Variants in SDK2 observed in about 807,000 individuals in gnomAD.
SDK2 encodes protein sidekick-2.
SDK2 carries 105 observed loss-of-function variants against 253.9 expected under a neutral mutation model. That is an observed-to-expected ratio of 0.41 (90% CI 0.35 to 0.49). The LOEUF is 0.49. Ranked by LOEUF, SDK2 falls within the 20% of genes least tolerant of loss-of-function variation. The probability of loss-of-function intolerance (pLI) is 0.06; values close to 1 mark genes in which losing one functional copy is unlikely to be tolerated. For missense variants in SDK2, 2,608 were observed against 3,003.0 expected (o/e 0.87, Z 3.07); for synonymous variants, 1,249 against 1,234.9 (o/e 1.01, Z -0.24).
intron 2 of SDK2, among the ~76,000 whole-genome samples, chr17:73,488,959 A>G (rs1336871321): frequency 1.3e-5 from 2 of 152,232 alleles, no homozygotes; most frequent in East Asian, 1.9e-4. Context: ...TGCTTAGCAC[A>G]GCGCTTGACG....
chr17:73,595,676 G>C (rs1452938039), intron 1 of SDK2, among the ~76,000 whole-genome samples: 1 of 152,222 alleles, frequency 6.6e-6, no homozygotes, highest in Admixed American at 6.5e-5. Context: ...AGGAAGCTGG[G>C]GTGCGGGGAG....
intron 1 of SDK2, among the ~76,000 whole-genome samples, chr17:73,512,993 T>C (rs1033894198): frequency 9.9e-5 from 15 of 152,042 alleles, no homozygotes; most frequent in African/African-American, 3.6e-4. Context: ...AAAAATGAAA[T>C]TCTAAAAGAC....
chr17:73,428,311 G>A (rs1407375252), intron 12 of SDK2, among the ~76,000 whole-genome samples: 11 of 152,064 alleles, frequency 7.2e-5, no homozygotes, highest in Admixed American at 4.6e-4. Flanking sequence ...TGATCCACCC[G>A]CCTCGGCCTC....
chr17:73,619,782 AAGGCAATCTAT>A (rs898445250), intron 1 of SDK2, among the ~76,000 whole-genome samples: 2 of 152,218 alleles, frequency 1.3e-5, no homozygotes, highest in African/African-American at 4.8e-5. Flanking sequence ...AGGAAAGTGA[AAGGCAATCTAT>A]AGAATGAAAG....
rs567438894 is a variant in SDK2, at chr17:73,334,576, A to G, written c.*4011T>C. On this transcript the variant is annotated 3_prime_UTR_variant, in exon 45 of 45. Transcript: ENST00000392650. Reference sequence around the variant, plus strand: ...CTGCCATAATGAATACTCTCCCCATAATTTTTTGTTATATCTTTTAAATCA... The same window carrying G: ...CTGCCATAATGAATACTCTCCCCATGATTTTTTGTTATATCTTTTAAATCA... 1 of 152,254 alleles carries G rather than the reference A, an allele frequency of 6.6e-6. No homozygotes were observed. Among genetic ancestry groups the G allele is most frequent in the African/African-American group, 2.4e-5 (1 of 41,544 alleles). The allele number at this position is 152,254 out of a possible 1,614,324, so 9.4% of individuals were successfully genotyped here.
intron 2 of SDK2, among the ~76,000 whole-genome samples, chr17:73,488,668 T>C (rs571981018): frequency 6.6e-6 from 1 of 152,212 alleles, no homozygotes; most frequent in East Asian, 1.9e-4. Flanking sequence ...GCACCCCTTC[T>C]GACACCCACT....
In SDK2 at chr17:73,364,007, C is replaced by T. The variant is rs529511469; in HGVS notation, c.5305+1251G>A. 2.0e-5 allele frequency among the ~76,000 whole-genome samples: 3 copies of T among 151,998 alleles called. No individual in the cohort carries two copies. In the South Asian group the frequency reaches 6.3e-4, roughly 32 times the overall value. On this transcript the variant is annotated intron_variant, in intron 38 of 44. Transcript: ENST00000392650. ...CCTAGGCTCACCGAGAACTGCTGGT[C>T]ACAACGATGTTCCCAGGTCTCTGCC...
intron 1 of SDK2, among the ~76,000 whole-genome samples, chr17:73,582,667 G>T (rs894926611): frequency 6.6e-6 from 1 of 152,176 alleles, no homozygotes; most frequent in Non-Finnish European, 1.5e-5. Context: ...GCTGTGTCCT[G>T]AATGGTGCCT....
chr17:73,458,802 G>C (rs1180458620), intron 3 of SDK2, among the ~76,000 whole-genome samples: 1 of 152,122 alleles, frequency 6.6e-6, no homozygotes, highest in South Asian at 2.1e-4. Flanking sequence ...TCAGGAGTTC[G>C]AGACAACCCT....
intron 1 of SDK2, among the ~76,000 whole-genome samples, chr17:73,533,202 G>T (rs1472892070): frequency 6.6e-6 from 1 of 152,200 alleles, no homozygotes; most frequent in Non-Finnish European, 1.5e-5. Context: ...GTGTTGGCGG[G>T]ATGTGCCAGT....
Position 73,387,827 on chromosome 17 carries a change from G to C in SDK2, c.4394+9C>G. ...GCAGTGGGGATGCTGGCATGGACCC[G>C]AGCCTTACCTGTCCACAATGAAGCT... On this transcript the variant is annotated intron_variant, in intron 30 of 44. Transcript: ENST00000392650. 2 of 1,551,242 alleles carry C rather than the reference G, an allele frequency of 1.3e-6. No individual in the cohort carries two copies. The highest frequency in any genetic ancestry group is 1.7e-6 in the Non-Finnish European group (2 of 1,144,094).
intron 39 of SDK2, 21 bp from the exon 40 acceptor site, chr17:73,358,225 C>T (rs199795619): frequency 1.4e-4 from 226 of 1,581,586 alleles, no homozygotes; most frequent in Middle Eastern, 1.2e-3. Flanking sequence ...CACACAGAGG[C>T]GAGGGATGTA....
chr17:73,400,934 C>T (rs573510966), intron 21 of SDK2, 86 bp downstream of exon 21: 7 of 1,334,360 alleles, frequency 5.2e-6, no homozygotes, highest in Non-Finnish European at 7.2e-6. Flanking sequence ...AGGCATGAGC[C>T]ACCACGCCCA....
chr17:73,358,295 C>CA, intron 39 of SDK2, 91 bp from the exon 40 acceptor site: 2 of 1,491,046 alleles, frequency 1.3e-6, no homozygotes. Flanking sequence ...CACTGGGTGA[C>CA]AAAACCAACC....
chr17:73,355,123 TCTTA>T (rs1161989593), intron 40 of SDK2, among the ~76,000 whole-genome samples: 1 of 140,208 alleles, frequency 7.1e-6, no homozygotes, highest in East Asian at 2.4e-4. Flanking sequence ...TCACTGTTGG[TCTTA>T]CTTGTTTTTG....
intron 23 of SDK2, 66 bp downstream of exon 23, chr17:73,398,253 TG>T: frequency 6.2e-7 from 1 of 1,602,202 alleles, no homozygotes; most frequent in South Asian, 1.1e-5. Flanking sequence ...TGTCCTGGTC[TG>T]GGCCATAGCC....
chr17:73,361,690 CG>C lies in SDK2; in HGVS notation c.5460del (p.Gly1821GlufsTer60). The stretch of plus-strand genomic sequence containing the variant: ...TGGTCCGTTGCTCTCCTACCTTCTC[CG>C]GGGCCCGTGGTGACGTTGGCTTCGA... ...PEIEANVTTG[P>X]GEGAPGPPGV... is the part of the protein sequence containing the mutation. On this transcript the variant is annotated frameshift_variant, in exon 39 of 45. Coordinates refer to ENST00000392650, the MANE Select transcript of SDK2 (RefSeq NM_001144952.2). LOFTEE classifies it high-confidence loss of function. This position sits in a 1 kb window ranked among gnomAD's most constrained non-coding sequence, Gnocchi z 4.1. 6.2e-7 allele frequency: 1 copy of C among 1,611,444 alleles called. No individual in the cohort carries two copies. Among genetic ancestry groups the C allele is most frequent in the Non-Finnish European group, 8.5e-7 (1 of 1,177,816 alleles).
chr17:73,524,057 C>T (rs2064105773), intron 1 of SDK2, among the ~76,000 whole-genome samples: 1 of 152,146 alleles, frequency 6.6e-6, no homozygotes, highest in African/African-American at 2.4e-5. Context: ...CCTTACCTGC[C>T]CCTGCATCCC....
At position 73,551,168 on chromosome 17, in the gene SDK2, C is replaced by T. The variant is rs529092965; in HGVS notation, c.65-43571G>A. On this transcript the variant is annotated intron_variant, in intron 1 of 44. Coordinates refer to ENST00000392650, the MANE Select transcript of SDK2 (RefSeq NM_001144952.2). ...GCCTGAAGCCACAAAGCACGCTAGC[C>T]GGGGACTCCACGCGCACCTTGTCTT... 7.9e-4 allele frequency among the ~76,000 whole-genome samples: 121 copies of T among 152,274 alleles called. 2 individuals are homozygous for T. The highest frequency in any genetic ancestry group is 1.5e-3 in the Non-Finnish European group (102 of 68,016).
Sources: allele counts gnomAD v4.1 joint callset (sites outside exome capture counted in the v4.1 genomes callset), GRCh38; gene constraint gnomAD v4.1.1; non-coding constraint Gnocchi (gnomAD v3.1); transcripts MANE v1.5; gene names NCBI Gene and HGNC (gene_info 2026-07-23, HGNC 2026-07-21).